ANO3: variants seen among roughly 807,000 people sequenced by gnomAD.
ANO3 encodes the protein anoctamin 3, also known as anoctamin-3.
In ANO3, 99 loss-of-function variants were observed where a neutral mutation model predicts 144.8. The observed-to-expected ratio is 0.68, with a 90% CI of 0.58 to 0.81. ANO3 has a LOEUF of 0.81. Among genes scored for constraint, ANO3 ranks in the 30% least tolerant of loss-of-function variants. The pLI, the probability that ANO3 is intolerant of heterozygous loss-of-function variation, is 0.00. For synonymous variants in ANO3, 414 were observed against 392.6 expected (o/e 1.05, Z -0.64); for missense variants, 905 against 1,202.2 (o/e 0.75, Z 3.66).
intron 1 of ANO3, among the ~76,000 whole-genome samples, chr11:26,266,130 C>T (rs1853301917): frequency 6.6e-6 from 1 of 152,104 alleles, no homozygotes; most frequent in South Asian, 2.1e-4. Context: ...TATCAAATGC[C>T]TCTATAAATT....
intron 7 of ANO3, among the ~76,000 whole-genome samples, chr11:26,526,101 A>T (rs956863448): frequency 6.6e-6 from 1 of 152,084 alleles, no homozygotes; most frequent in African/African-American, 2.4e-5. Context: ...GTTCAGAGAG[A>T]TGAGGTGCTT....
chr11:26,528,462 C>G (rs555475502), intron 7 of ANO3, among the ~76,000 whole-genome samples: 1 of 151,908 alleles, frequency 6.6e-6, no homozygotes, highest in Non-Finnish European at 1.5e-5. Context: ...GTCTGAAAAC[C>G]CTTTTATTCT....
Position 26,656,210 on chromosome 11 carries a change from TTA to T in ANO3, c.2657+8_2657+9del. ...GGGAAAATCTGGTTATTGCAGGTAC[TTA>T]TAATAGTTATCTTTCCTGCTTGCTT... On this transcript the variant is annotated splice_donor_region_variant and intron_variant, in intron 25 of 26. Coordinates refer to ENST00000256737, the MANE Select transcript of ANO3 (RefSeq NM_031418.4). The T allele has an allele frequency of 6.2e-7, 1 of 1,605,794 alleles. No homozygotes were observed. Among genetic ancestry groups the T allele is most frequent in the East Asian group, 2.2e-5 (1 of 44,830 alleles).
chr11:26,444,933 C>T lies in ANO3; in HGVS notation c.313+1097C>T, dbSNP rs534018056. Reference sequence around the variant, plus strand: ...ATTTCATATACAGAATCAAAAAGAGCATCTCATCAGAAAAAAATTCACTCA... The same window carrying T: ...ATTTCATATACAGAATCAAAAAGAGTATCTCATCAGAAAAAAATTCACTCA... On this transcript the variant is annotated intron_variant, in intron 3 of 26. Transcript: ENST00000256737. Among the ~76,000 whole-genome samples the T allele has an allele frequency of 2.6e-5, 4 of 152,210 alleles. No homozygotes were observed. In the East Asian group the frequency reaches 7.7e-4, roughly 29 times the overall value.
chr11:26,552,314 C>CT (rs113697171), intron 12 of ANO3, among the ~76,000 whole-genome samples: 40,465 of 151,748 alleles, frequency 0.27, 5,541 homozygotes, highest in African/African-American at 0.31. Context: ...CACACGCATT[C>CT]TTTTTTTTGG....
chr11:26,471,463 A>C (rs955507390), intron 4 of ANO3, among the ~76,000 whole-genome samples: 1 of 152,006 alleles, frequency 6.6e-6, no homozygotes, highest in African/African-American at 2.4e-5. Context: ...AATAATAGAA[A>C]GTTTCTATTC....
chr11:26,633,622 C>A (rs1852854522), intron 18 of ANO3, among the ~76,000 whole-genome samples: 1 of 152,144 alleles, frequency 6.6e-6, no homozygotes, highest in Admixed American at 6.6e-5. Context: ...CAGAGAGAAT[C>A]CTGAAAATCT....
chr11:26,472,958 T>C (rs547415193), intron 4 of ANO3, among the ~76,000 whole-genome samples: 1 of 152,056 alleles, frequency 6.6e-6, no homozygotes, highest in Non-Finnish European at 1.5e-5. Flanking sequence ...CTTGTTTTGT[T>C]TGTGGTGGTT....
chr11:26,350,405 T>C lies in ANO3; in HGVS notation c.46+18084T>C, dbSNP rs561148342. On this transcript the variant is annotated intron_variant, in intron 1 of 26. Coordinates refer to ENST00000256737, the MANE Select transcript of ANO3 (RefSeq NM_031418.4). ...CAATTATATTTGCACATGATCTATATTTTTGTTTTCTAGTTTTCAAATAAC... is the reference window on the plus strand; with the variant it reads ...CAATTATATTTGCACATGATCTATACTTTTGTTTTCTAGTTTTCAAATAAC... Among the ~76,000 whole-genome samples the C allele has an allele frequency of 2.6e-5, 4 of 152,312 alleles. No individual in the cohort carries two copies. In the South Asian group the frequency reaches 8.3e-4, roughly 32 times the overall value.
At chr11:26,447,945 A>G (rs1858763090) in intron 3 of ANO3, among the ~76,000 whole-genome samples, 1 of 152,208 alleles carries the variant, frequency 6.6e-6, no homozygotes, top group African/African-American at 2.4e-5. Context: ...CACGTTAACA[A>G]GTGCCTGATG....
intron 1 of ANO3, among the ~76,000 whole-genome samples, chr11:26,395,311 A>C (rs1222054313): frequency 2.0e-5 from 3 of 152,056 alleles, no homozygotes; most frequent in African/African-American, 7.2e-5. Flanking sequence ...TAATTCTGTG[A>C]CGAAAGTCAG....
At chr11:26,285,139 C>T (rs766448614) in intron 1 of ANO3, among the ~76,000 whole-genome samples, 4 of 151,836 alleles carry the variant, frequency 2.6e-5, no homozygotes, top group Non-Finnish European at 5.9e-5. Flanking sequence ...TTACTGGTCA[C>T]CCACAAACTT....
intron 26 of ANO3, among the ~76,000 whole-genome samples, chr11:26,656,948 A>C (rs539271594): frequency 6.6e-6 from 1 of 152,080 alleles, no homozygotes; most frequent in African/African-American, 2.4e-5. Context: ...TTTATTTAAA[A>C]ATTCAGAGAC....
intron 1 of ANO3, among the ~76,000 whole-genome samples, chr11:26,385,893 G>GTGTATATATATATATA (rs1183332896): frequency 4.0e-4 from 58 of 143,770 alleles, no homozygotes; most frequent in South Asian, 1.7e-3. Context: ...CTTTGTGTGT[G>GTGTATATATATATATA]TATATATATT....
At chr11:26,596,181 TTCTC>T (rs1316954429) in intron 14 of ANO3, among the ~76,000 whole-genome samples, 2 of 119,004 alleles carry the variant, frequency 1.7e-5, no homozygotes, top group African/African-American at 5.4e-5. Context: ...ATCTTTCTCT[TTCTC>T]TCTTTCTTCT....
At chr11:26,497,189 CAT>C (rs1268523506) in intron 4 of ANO3, among the ~76,000 whole-genome samples, 4 of 151,166 alleles carry the variant, frequency 2.6e-5, no homozygotes, top group East Asian at 3.9e-4. Context: ...AACATTGAAA[CAT>C]GTATATACAT....
chr11:26,385,773 A>AGTAG (rs1423438506), intron 1 of ANO3, among the ~76,000 whole-genome samples: 1 of 132,142 alleles, frequency 7.6e-6, no homozygotes, highest in African/African-American at 3.2e-5. Context: ...TAAACTGCCT[A>AGTAG]ATAGGAACTG....
intron 4 of ANO3, among the ~76,000 whole-genome samples, chr11:26,492,004 C>A (rs543207607): frequency 2.4e-4 from 36 of 152,244 alleles, no homozygotes; most frequent in Admixed American, 5.9e-4. Flanking sequence ...CTGAAAATAT[C>A]ATTTTAAATC....
chr11:26,300,855 C>CTT lies in ANO3; in HGVS notation c.155-8775_155-8774dup, dbSNP rs376885670. Among the ~76,000 whole-genome samples the CTT allele has an allele frequency of 9.3e-3, 1,202 of 129,052 alleles. 31 individuals are homozygous for CTT. The highest frequency in any genetic ancestry group is 0.035 in the African/African-American group (1,129 of 32,310). 84.7% of individuals were successfully genotyped at this position (129,052 alleles called of 152,430 possible). ...CTTTATTTATTTCTTTCTTTTTTTT[C>CTT]TTTTTTTTTTTTTTTTGAGGTGGAG... is the stretch of plus-strand genomic sequence containing the variant. On this transcript the variant is annotated intron_variant, in intron 1 of 27. Transcript: ENST00000672621.
Sources: gnomAD v4.1 joint callset for allele counts (sites outside exome capture counted in the v4.1 genomes callset) on GRCh38, gnomAD v4.1.1 for gene constraint, MANE v1.5 for transcripts, NCBI Gene and HGNC (gene_info 2026-07-23, HGNC 2026-07-21) for gene names.